The following PPP5C variants were observed in gnomAD, a reference collection of about 807,000 sequenced individuals.
The protein encoded by PPP5C is protein phosphatase 5 catalytic subunit.
In PPP5C, 21 loss-of-function variants were observed where a neutral mutation model predicts 66.7. The ratio of observed to expected loss-of-function variants is 0.31; its 90% CI spans 0.22 to 0.45. The LOEUF is 0.45. Among genes scored for constraint, PPP5C ranks in the 20% least tolerant of loss-of-function variants. The pLI, the probability that PPP5C is intolerant of heterozygous loss-of-function variation, is 1.00. For missense variants in PPP5C, 464 were observed against 675.9 expected (o/e 0.69, Z 3.48); for synonymous variants, 246 against 257.4 (o/e 0.96, Z 0.43).
chr19:46,360,365 T>A, intron 2 of PPP5C, among the ~76,000 whole-genome samples: 1 of 152,210 alleles, frequency 6.6e-6, no homozygotes, highest in Non-Finnish European at 1.5e-5. Flanking sequence ...CCATATGGTT[T>A]TTAACATCCC....
intron 2 of PPP5C, among the ~76,000 whole-genome samples, chr19:46,362,882 G>T (rs1457822141): frequency 1.3e-5 from 2 of 150,632 alleles, no homozygotes; most frequent in Non-Finnish European, 3.0e-5. Flanking sequence ...CCGCCGCCCA[G>T]GTTCATGCCA....
At chr19:46,359,969 G>C (rs1292261890) in intron 2 of PPP5C, among the ~76,000 whole-genome samples, 2 of 151,964 alleles carry the variant, frequency 1.3e-5, no homozygotes, top group Admixed American at 6.6e-5. Context: ...ACTAGAGACG[G>C]GGTTTCACCA....
At position 46,383,483 on chromosome 19, in the gene PPP5C, G is replaced by A. The variant is rs369923981; in HGVS notation, c.699+7G>A. The A allele has an allele frequency of 4.8e-5, 76 of 1,598,416 alleles. No homozygotes were observed. In the African/African-American group the frequency reaches 5.1e-4, roughly 11 times the overall value. On this transcript the variant is annotated splice_region_variant and intron_variant, in intron 5 of 12. Coordinates refer to ENST00000012443, the MANE Select transcript of PPP5C (RefSeq NM_006247.4). This position sits in a 1 kb window ranked among gnomAD's most constrained non-coding sequence, Gnocchi z 5.0. The stretch of plus-strand genomic sequence containing the variant: ...GGAAACCACACTCAAAGAGGTGCGC[G>A]TTGTGGGGCAGTGCGGGGAGGGCCA...
chr19:46,383,364 G>T lies in PPP5C; in HGVS notation c.634-47G>T. 6.3e-7 allele frequency: 1 copy of T among 1,592,122 alleles called. No individual in the cohort carries two copies. The highest frequency in any genetic ancestry group is 8.5e-7 in the Non-Finnish European group (1 of 1,169,888). On this transcript the variant is annotated intron_variant, in intron 4 of 12. Transcript: ENST00000012443. The surrounding 1 kb of genome is among the most constrained non-coding windows in gnomAD (Gnocchi z 5.0). Reference sequence around the variant, plus strand: ...GTCCAGGCTTTCGGGGCCAGGTTGGGCAGCAGCCCCTGCAGCCGGTCCCAC... The same window carrying T: ...GTCCAGGCTTTCGGGGCCAGGTTGGTCAGCAGCCCCTGCAGCCGGTCCCAC...
chr19:46,387,629 G>GTGA, intron 9 of PPP5C, 176 bp downstream of exon 9: 1 of 1,526,894 alleles, frequency 6.5e-7, no homozygotes, highest in South Asian at 1.2e-5. Context: ...TCATGGGGCT[G>GTGA]TGATGGCAAG....
In PPP5C at chr19:46,378,597, T is replaced by A. The variant is rs139435080; in HGVS notation, c.633+2023T>A. On this transcript the variant is annotated intron_variant, in intron 4 of 12. Coordinates refer to ENST00000012443, the MANE Select transcript of PPP5C (RefSeq NM_006247.4). ...AGATTTGCCTATTTCTCCCTATAAT[T>A]CTCAGTTTTTTGCTTCCTGTATTTT... 8.5e-3 allele frequency among the ~76,000 whole-genome samples: 1,291 copies of A among 152,324 alleles called. 45 individuals are homozygous for A. Among genetic ancestry groups the A allele is most frequent in the East Asian group, 0.059 (307 of 5,182 alleles).
chr19:46,374,832 C>T (rs1027720958), intron 2 of PPP5C, among the ~76,000 whole-genome samples: 4 of 152,302 alleles, frequency 2.6e-5, no homozygotes, highest in Admixed American at 2.6e-4. Context: ...CTCAGTCCCA[C>T]CTCAGAGAGA....
At chr19:46,360,692 AG>A (rs938091966) in intron 2 of PPP5C, among the ~76,000 whole-genome samples, 2 of 152,066 alleles carry the variant, frequency 1.3e-5, no homozygotes, top group African/African-American at 4.8e-5. Context: ...TTGTAGAGAC[AG>A]GGTTTTGCTA....
chr19:46,350,435 C>A (rs1001722813), intron 1 of PPP5C, among the ~76,000 whole-genome samples: 10 of 152,140 alleles, frequency 6.6e-5, no homozygotes, highest in Non-Finnish European at 1.2e-4. Flanking sequence ...TTGGGAGGAG[C>A]CTGTTGCCCC....
chr19:46,348,830 A>G (rs968382962), intron 1 of PPP5C, among the ~76,000 whole-genome samples: 7 of 152,244 alleles, frequency 4.6e-5, no homozygotes, highest in African/African-American at 1.7e-4. Context: ...GAGAGAAGGG[A>G]GCGCTTCTAG....
At chr19:46,355,643 G>C (rs1029013604) in intron 2 of PPP5C, among the ~76,000 whole-genome samples, 3 of 152,198 alleles carry the variant, frequency 2.0e-5, no homozygotes, top group African/African-American at 7.2e-5. Flanking sequence ...GCCATTCTTG[G>C]CCAAGCCCCT....
Position 46,388,370 on chromosome 19 carries a change from G to T in PPP5C, c.1136-38G>T. ...CCTGTGAGTGACCACCCCCGGGGAGGTGGACGAGTCCCTAATGTTTCCCTC... is the reference window on the plus strand; with the variant it reads ...CCTGTGAGTGACCACCCCCGGGGAGTTGGACGAGTCCCTAATGTTTCCCTC... On this transcript the variant is annotated intron_variant, in intron 9 of 12. Transcript: ENST00000012443. The surrounding 1 kb of genome is among the most constrained non-coding windows in gnomAD (Gnocchi z 4.9). 6.3e-7 allele frequency: 1 copy of T among 1,591,944 alleles called. No individual in the cohort carries two copies. Among genetic ancestry groups the T allele is most frequent in the South Asian group, 1.1e-5 (1 of 88,956 alleles).
chr19:46,375,263 G>A (rs527629098), intron 2 of PPP5C, among the ~76,000 whole-genome samples: 1 of 152,314 alleles, frequency 6.6e-6, no homozygotes, highest in African/African-American at 2.4e-5. Flanking sequence ...AGTCACGATA[G>A]TAGCATCAGG....
In PPP5C at chr19:46,383,730, C is replaced by T; in HGVS notation, c.700-50C>T. 2 of 1,462,088 alleles carry T rather than the reference C, an allele frequency of 1.4e-6. No homozygotes were observed. The highest frequency in any genetic ancestry group is 1.9e-6 in the Non-Finnish European group (2 of 1,042,868). 90.6% of individuals were successfully genotyped at this position (1,462,088 alleles called of 1,614,324 possible). On this transcript the variant is annotated intron_variant, in intron 5 of 12. Coordinates refer to ENST00000012443, the MANE Select transcript of PPP5C (RefSeq NM_006247.4). The surrounding 1 kb of genome is among the most constrained non-coding windows in gnomAD (Gnocchi z 5.0). ...CCTTCCCCTCACCTCTGCCCCCTCC[C>T]CACGTCTCTCTCTCGGCCCGTCCCT...
intron 1 of PPP5C, among the ~76,000 whole-genome samples, chr19:46,348,174 G>A (rs1458464044): frequency 6.6e-6 from 1 of 152,038 alleles, no homozygotes; most frequent in East Asian, 1.9e-4. Context: ...CAAAGGCCCT[G>A]GGATGGGGAA....
intron 2 of PPP5C, among the ~76,000 whole-genome samples, chr19:46,366,765 G>T (rs1972497747): frequency 6.6e-6 from 1 of 152,204 alleles, no homozygotes. Flanking sequence ...GGAACTAGAG[G>T]GTGTGAGTTA....
intron 7 of PPP5C, 175 bp from the exon 8 acceptor site, chr19:46,386,918 C>CT (rs2147404682): frequency 2.3e-6 from 2 of 876,092 alleles, no homozygotes; most frequent in Non-Finnish European, 3.5e-6. Flanking sequence ...CATGGACCTA[C>CT]TTTTTGTCAA....
chr19:46,387,181 T>C lies in PPP5C; in HGVS notation c.993T>C (p.Phe331=). ...AKYTAQMYEL[F]SEVFEWLPLA... ...ACACAGCCCAGATGTACGAGCTCTT[T>C]AGCGAGGTGTTCGAGTGGCTCCCGT... Residue 331 remains phenylalanine, a synonymous_variant, in exon 8 of 13, where the codon TTT becomes TTC. Transcript: ENST00000012443. 1.9e-6 allele frequency: 3 copies of C among 1,614,208 alleles called. No homozygotes were observed. Among genetic ancestry groups the C allele is most frequent in the South Asian group, 2.2e-5 (2 of 91,084 alleles).
chr19:46,361,371 C>T (rs1285061652), intron 2 of PPP5C, among the ~76,000 whole-genome samples: 2 of 146,478 alleles, frequency 1.4e-5, no homozygotes, highest in African/African-American at 5.0e-5. Flanking sequence ...CCTCATGATC[C>T]GCCCGCCTCG....
Sources: allele counts gnomAD v4.1 joint callset (sites outside exome capture counted in the v4.1 genomes callset), GRCh38; gene constraint gnomAD v4.1.1; non-coding constraint Gnocchi (gnomAD v3.1); transcripts MANE v1.5; gene names NCBI Gene and HGNC (gene_info 2026-07-23, HGNC 2026-07-21).